The following PPP2R5C variants were observed in gnomAD, a reference collection of about 807,000 sequenced individuals.
PPP2R5C encodes protein phosphatase 2 regulatory subunit B'gamma, also known as serine/threonine-protein phosphatase 2A 56 kDa regulatory subunit gamma isoform.
Under a neutral mutation model 68.9 loss-of-function variants are expected in PPP2R5C, and 7 were observed. The observed-to-expected ratio is 0.10, with a 90% CI of 0.06 to 0.19. The LOEUF (loss-of-function observed/expected upper bound fraction) is 0.19. PPP2R5C is among the 10% of genes least tolerant of loss of function. The probability of loss-of-function intolerance (pLI) is 1.00; values close to 1 mark genes in which losing one functional copy is unlikely to be tolerated. For synonymous variants in PPP2R5C, 210 were observed against 222.2 expected (o/e 0.95, Z 0.49); for missense variants, 348 against 641.3 (o/e 0.54, Z 4.94).
At chr14:101,895,947 G>A (rs1490793856) in intron 8 of PPP2R5C, among the ~76,000 whole-genome samples, 1 of 152,122 alleles carries the variant, frequency 6.6e-6, no homozygotes, top group Non-Finnish European at 1.5e-5. Flanking sequence ...AATGCACAAA[G>A]GCTCCCATCT....
rs2296152 is a variant in PPP2R5C, at chr14:101,836,814, G to A, written c.95-19872G>A. 8.5e-5 allele frequency: 14 copies of A among 164,406 alleles called. No homozygotes were observed. In the East Asian group the frequency reaches 1.4e-3, roughly 16 times the overall value. The allele number at this position is 164,406 out of a possible 1,614,324, so 10.2% of individuals were successfully genotyped here. On this transcript the variant is annotated intron_variant, in intron 1 of 13. Transcript: ENST00000334743. ...GCAGTAGAAAAGCAAGGGTCATGAC[G>A]TCAATGCTGGGCAAAGCTAAATTGT...
At chr14:101,844,819 C>T (rs1279301120) in intron 1 of PPP2R5C, among the ~76,000 whole-genome samples, 1 of 152,188 alleles carries the variant, frequency 6.6e-6, no homozygotes, top group Non-Finnish European at 1.5e-5. Context: ...GTTACTTTTC[C>T]TGAGACAGTA....
intron 1 of PPP2R5C, among the ~76,000 whole-genome samples, chr14:101,841,545 CTG>C (rs1359531393): frequency 6.6e-5 from 10 of 152,256 alleles, no homozygotes; most frequent in African/African-American, 2.4e-4. Flanking sequence ...CACTTTCACT[CTG>C]TGCCTCCGGA....
intron 1 of PPP2R5C, among the ~76,000 whole-genome samples, chr14:101,829,276 G>A (rs770177337): frequency 8.5e-5 from 13 of 152,180 alleles, no homozygotes; most frequent in Non-Finnish European, 1.6e-4. Flanking sequence ...CCTGTATTAT[G>A]TGTAAGTTTG....
At chr14:101,826,443 A>G (rs537627593) in intron 1 of PPP2R5C, among the ~76,000 whole-genome samples, 6 of 152,334 alleles carry the variant, frequency 3.9e-5, no homozygotes, top group African/African-American at 1.4e-4. Flanking sequence ...TTGAAAGTCA[A>G]TGGACCATAA....
chr14:101,816,536 A>T (rs1382821923), intron 1 of PPP2R5C, among the ~76,000 whole-genome samples: 1 of 152,170 alleles, frequency 6.6e-6, no homozygotes, highest in Non-Finnish European at 1.5e-5. Flanking sequence ...AACCTATTAG[A>T]GACATTTTGA....
At chr14:101,804,035 A>C (rs1247839517) in intron 3 of PPP2R5C, among the ~76,000 whole-genome samples, 2 of 152,210 alleles carry the variant, frequency 1.3e-5, no homozygotes, top group Non-Finnish European at 2.9e-5. Context: ...AGGAAAAAAA[A>C]CTAATAATCC....
intron 2 of PPP2R5C, among the ~76,000 whole-genome samples, chr14:101,769,546 C>G (rs1403272038): frequency 6.6e-6 from 1 of 152,044 alleles, no homozygotes; most frequent in Admixed American, 6.6e-5. Flanking sequence ...TTTTTTGATC[C>G]AATAAGGGAA....
At chr14:101,820,536 T>G (rs1248035470) in intron 1 of PPP2R5C, 1 of 152,216 alleles carries the variant, frequency 6.6e-6, no homozygotes, top group African/African-American at 2.4e-5. Context: ...CAACTAATCT[T>G]TAAGGAACTA....
At chr14:101,803,770 C>T (rs2038967724) in intron 3 of PPP2R5C, among the ~76,000 whole-genome samples, 1 of 151,868 alleles carries the variant, frequency 6.6e-6, no homozygotes, top group Admixed American at 6.6e-5. Context: ...TGTGACACTA[C>T]TACAAGAAAA....
intron 1 of PPP2R5C, among the ~76,000 whole-genome samples, chr14:101,821,328 G>A (rs1028939319): frequency 6.6e-6 from 1 of 151,352 alleles, no homozygotes; most frequent in Non-Finnish European, 1.5e-5. Context: ...AAATAAAACT[G>A]AAATTTTCCC....
intron 1 of PPP2R5C, among the ~76,000 whole-genome samples, chr14:101,839,718 A>G (rs2041341124): frequency 6.6e-6 from 1 of 152,272 alleles, no homozygotes; most frequent in African/African-American, 2.4e-5. Context: ...AAAGAACACC[A>G]TGAGAACCCT....
intron 9 of PPP2R5C, among the ~76,000 whole-genome samples, chr14:101,903,012 TG>T (rs1361451615): frequency 5.7e-5 from 8 of 139,886 alleles, no homozygotes; most frequent in African/African-American, 2.2e-4. Flanking sequence ...AATTATGTTT[TG>T]GGTTTTTTTT....
chr14:101,834,635 T>C (rs1469205558), intron 1 of PPP2R5C, among the ~76,000 whole-genome samples: 2 of 152,226 alleles, frequency 1.3e-5, no homozygotes, highest in Admixed American at 6.5e-5. Flanking sequence ...ATAGAATGCA[T>C]GCTTAAAGCC....
chr14:101,824,204 A>T (rs2040260757), intron 1 of PPP2R5C: 7 of 1,225,168 alleles, frequency 5.7e-6, no homozygotes, highest in Non-Finnish European at 7.4e-6. Flanking sequence ...AAGATTCTTA[A>T]TGAGTAATTC....
intron 11 of PPP2R5C, 85 bp downstream of exon 13, chr14:101,909,775 C>A: frequency 2.1e-6 from 2 of 966,958 alleles, no homozygotes; most frequent in South Asian, 2.1e-5. Flanking sequence ...TGTCCTAAAA[C>A]GGTATTCTTC....
intron 2 of PPP2R5C, among the ~76,000 whole-genome samples, chr14:101,864,423 A>G (rs1746583): frequency 0.38 from 57,301 of 152,020 alleles, 13,329 homozygotes; most frequent in African/African-American, 0.66. Flanking sequence ...CTACCCCAAG[A>G]ACTAAAATAA....
rs957786853 is a variant in PPP2R5C at position 101,916,685 on chromosome 14, G to A, written c.1327-1146G>A. Among the ~76,000 whole-genome samples, 12 of 151,584 alleles carry A rather than the reference G, an allele frequency of 7.9e-5. No homozygotes were observed. The highest frequency in any genetic ancestry group is 3.3e-4 in the Admixed American group (5 of 15,248). Reference sequence around the variant, plus strand: ...GCTGAGAACGGAGCTGCTCTGGGCTGGCAGGGTGTGAGGGGCAGGGGTGAG... The same window carrying A: ...GCTGAGAACGGAGCTGCTCTGGGCTAGCAGGGTGTGAGGGGCAGGGGTGAG... On this transcript the variant is annotated intron_variant, in intron 12 of 13. Coordinates refer to ENST00000334743, the Ensembl canonical transcript of PPP2R5C. This position sits in a 1 kb window ranked among gnomAD's most constrained non-coding sequence, Gnocchi z 5.5.
rs565380524 is a variant in PPP2R5C at position 101,770,602 on chromosome 14, G to A, written c.93+7632G>A. Among the ~76,000 whole-genome samples, 117 of 152,346 alleles carry A rather than the reference G, an allele frequency of 7.7e-4. 2 individuals carry two copies. The highest frequency in any genetic ancestry group is 2.6e-3 in the African/African-American group (108 of 41,576). On this transcript the variant is annotated intron_variant, in intron 2 of 14. Coordinates refer to the PPP2R5C transcript ENST00000328724. Reference sequence around the variant, plus strand: ...GAAAGCACATTGGACCCTAGGGTGTGTATCATGGTTAAAGCCAATAGATAA... The same window carrying A: ...GAAAGCACATTGGACCCTAGGGTGTATATCATGGTTAAAGCCAATAGATAA...
Sources: gnomAD v4.1 joint callset for allele counts (sites outside exome capture counted in the v4.1 genomes callset) on GRCh38, gnomAD v4.1.1 for gene constraint, Gnocchi (gnomAD v3.1) non-coding constraint, MANE v1.5 for transcripts, NCBI Gene and HGNC (gene_info 2026-07-23, HGNC 2026-07-21) for gene names.